The following ADAM18 variants were observed in gnomAD, a reference collection of about 807,000 sequenced individuals.
The protein encoded by ADAM18 is disintegrin and metalloproteinase domain-containing protein 18.
In ADAM18, 117 loss-of-function variants were observed where a neutral mutation model predicts 94.4. The ratio of observed to expected loss-of-function variants is 1.24; its 90% CI spans 1.07 to 1.45. The LOEUF (loss-of-function observed/expected upper bound fraction) is 1.45. Ranked by LOEUF, ADAM18 falls within the 40% of genes most tolerant of loss-of-function variation. The pLI, the probability that ADAM18 is intolerant of heterozygous loss-of-function variation, is 0.00. For missense variants in ADAM18, 936 were observed against 880.0 expected (o/e 1.06, Z -0.81); for synonymous variants, 327 against 291.6 (o/e 1.12, Z -1.24).
Position 39,680,189 on chromosome 8 carries a change from C to T in ADAM18, c.1784C>T (p.Ala595Val), listed in dbSNP as rs748393577. ...SSMRSDGTDN[A>V]YVADGTMCGP... ...ATGAGATCAGATGGAACAGACAATG[C>T]CTATGTGGCTGATGGCACCATGTGT... is the stretch of plus-strand genomic sequence containing the variant. Residue 595 changes from alanine (A) to valine (V), a missense_variant, in exon 16 of 20, where the codon GCC (alanine) becomes GTC (valine). By Grantham distance (64) the Ala-to-Val change is moderately conservative (BLOSUM62 0). Transcript: ENST00000265707. 2 of 1,613,494 alleles carry T rather than the reference C, an allele frequency of 1.2e-6. No homozygotes were observed. The highest frequency in any genetic ancestry group is 1.7e-6 in the Non-Finnish European group (2 of 1,179,764).
intron 19 of ADAM18, among the ~76,000 whole-genome samples, chr8:39,725,352 A>G (rs564759267): frequency 1.3e-5 from 2 of 152,174 alleles, no homozygotes; most frequent in Admixed American, 1.3e-4. Context: ...AGGTAAGAAC[A>G]CTTGATATAG....
intron 6 of ADAM18, among the ~76,000 whole-genome samples, chr8:39,618,610 C>T (rs1563277539): frequency 6.6e-6 from 1 of 152,162 alleles, no homozygotes; most frequent in Admixed American, 6.5e-5. Context: ...TGAAGCTAGA[C>T]AACCGGTTAG....
chr8:39,628,805 G>A (rs1161517773), intron 6 of ADAM18, among the ~76,000 whole-genome samples: 1 of 152,032 alleles, frequency 6.6e-6, no homozygotes, highest in Admixed American at 6.6e-5. Flanking sequence ...ACACAGGGAA[G>A]AACAGAATGT....
intron 12 of ADAM18, among the ~76,000 whole-genome samples, chr8:39,656,019 G>A (rs886373602): frequency 6.6e-6 from 1 of 151,922 alleles, no homozygotes; most frequent in Admixed American, 6.6e-5. Flanking sequence ...AAAATTAGAG[G>A]AATTAATATT....
At chr8:39,628,743 T>A (rs941050891) in intron 6 of ADAM18, among the ~76,000 whole-genome samples, 9 of 152,140 alleles carry the variant, frequency 5.9e-5, no homozygotes, top group African/African-American at 2.2e-4. Context: ...ATCAATAAAG[T>A]GTTAAATGAG....
chr8:39,667,071 C>T (rs935619380), intron 13 of ADAM18, among the ~76,000 whole-genome samples: 4 of 152,036 alleles, frequency 2.6e-5, no homozygotes, highest in African/African-American at 9.7e-5. Flanking sequence ...CGTTTATGCT[C>T]TTAGATAATA....
intron 11 of ADAM18, among the ~76,000 whole-genome samples, chr8:39,646,701 G>A (rs1418966061): frequency 6.6e-6 from 1 of 152,016 alleles, no homozygotes; most frequent in African/African-American, 2.4e-5. Context: ...TGTGTGTTGT[G>A]CATCTATTAG....
At chr8:39,698,019 C>T (rs1177133308) in intron 17 of ADAM18, among the ~76,000 whole-genome samples, 2 of 151,684 alleles carry the variant, frequency 1.3e-5, no homozygotes, top group South Asian at 2.1e-4. Context: ...CTTAATTTTG[C>T]TTTTTCTATA....
Position 39,638,543 on chromosome 8 carries a change from T to C in ADAM18, c.906T>C (p.Ala302=), listed in dbSNP as rs1319844605. Residue 302 remains alanine (A), a synonymous_variant, in exon 10 of 20, where the codon GCT becomes GCC. Coordinates refer to ENST00000265707, the MANE Select transcript of ADAM18 (RefSeq NM_014237.3). The stretch of plus-strand genomic sequence containing the variant: ...ATAAAAGCTATGATGCAGGTATTGC[T>C]ATGGTATGTAATTTTTATTCTTCTT... ...VCNKSYDAGI[A]MYPDAIGLEG... 1 of 1,545,900 alleles carries C rather than the reference T, an allele frequency of 6.5e-7. No individual in the cohort carries two copies. Among genetic ancestry groups the C allele is most frequent in the Non-Finnish European group, 8.8e-7 (1 of 1,142,468 alleles).
chr8:39,700,823 C>T (rs1266486390), intron 17 of ADAM18, among the ~76,000 whole-genome samples: 1 of 151,722 alleles, frequency 6.6e-6, no homozygotes, highest in Admixed American at 6.6e-5. Flanking sequence ...TAACTTTTTT[C>T]CCCACCAACT....
chr8:39,728,143 G>A (rs2129582033), intron 19 of ADAM18, among the ~76,000 whole-genome samples: 1 of 152,178 alleles, frequency 6.6e-6, no homozygotes, highest in East Asian at 1.9e-4. Flanking sequence ...TACCAGGACA[G>A]CACCAAACCA....
chr8:39,661,512 C>G (rs1317150227), intron 12 of ADAM18, among the ~76,000 whole-genome samples: 1 of 151,704 alleles, frequency 6.6e-6, no homozygotes, highest in Non-Finnish European at 1.5e-5. Flanking sequence ...TTTGCAGTCT[C>G]TAATTGGTCT....
Position 39,637,481 on chromosome 8 carries a change from C to A in ADAM18, c.661-56C>A, listed in dbSNP as rs920825106. The A allele has an allele frequency of 4.1e-6, 6 of 1,456,112 alleles. No individual in the cohort carries two copies. The East Asian group carries it at 1.2e-4, about 29-fold the overall frequency. 90.2% of individuals were successfully genotyped at this position (1,456,112 alleles called of 1,614,324 possible). ...AACATGTTGTTTATTTTTTAATGTA[C>A]CTTTTAAATGTAATAACTTGTTTCT... On this transcript the variant is annotated intron_variant, in intron 8 of 19. Coordinates refer to ENST00000265707, the MANE Select transcript of ADAM18 (RefSeq NM_014237.3).
intron 2 of ADAM18, among the ~76,000 whole-genome samples, chr8:39,588,981 T>C (rs1020733638): frequency 3.3e-5 from 5 of 152,208 alleles, no homozygotes; most frequent in African/African-American, 1.2e-4. Flanking sequence ...ACCAGAACAT[T>C]CCTAAATCTG....
intron 12 of ADAM18, among the ~76,000 whole-genome samples, chr8:39,663,425 C>A (rs868448232): frequency 0.021 from 2,157 of 101,602 alleles, no homozygotes; most frequent in East Asian, 0.034. Flanking sequence ...CTAGTCTTTA[C>A]AAAAAAAAAA....
intron 2 of ADAM18, among the ~76,000 whole-genome samples, chr8:39,590,047 A>G (rs1485985245): frequency 4.7e-5 from 7 of 150,156 alleles, no homozygotes. Flanking sequence ...GGGATCTAGA[A>G]CTAGAAATAC....
At chr8:39,725,821 C>T (rs751603583) in intron 19 of ADAM18, among the ~76,000 whole-genome samples, 6 of 152,102 alleles carry the variant, frequency 3.9e-5, no homozygotes, top group East Asian at 1.9e-4. Context: ...CATGGAAGTG[C>T]GGATATCTCT....
intron 12 of ADAM18, among the ~76,000 whole-genome samples, chr8:39,652,201 A>G (rs1470377050): frequency 6.6e-6 from 1 of 152,164 alleles, no homozygotes; most frequent in Non-Finnish European, 1.5e-5. Context: ...TAGAAATGGA[A>G]TTATATCTAA....
Position 39,588,324 on chromosome 8 carries a change from T to G in ADAM18, c.132+2972T>G, listed in dbSNP as rs538795577. Among the ~76,000 whole-genome samples, 37 of 152,264 alleles carry G rather than the reference T, an allele frequency of 2.4e-4. 1 individual carries two copies. Among genetic ancestry groups the G allele is most frequent in the Middle Eastern group, 3.4e-3 (1 of 294 alleles). ...TGCATTTTTCTGATGATTAATGATA[T>G]TGAGTACTATTTCTTATACCTGATG... On this transcript the variant is annotated intron_variant, in intron 2 of 19. Transcript: ENST00000265707.
Sources: gnomAD v4.1 joint callset for allele counts (sites outside exome capture counted in the v4.1 genomes callset) on GRCh38, gnomAD v4.1.1 for gene constraint, MANE v1.5 for transcripts, NCBI Gene and HGNC (gene_info 2026-07-23, HGNC 2026-07-21) for gene names.